The following PTPRD variants were observed in gnomAD, a reference collection of about 807,000 sequenced individuals.
PTPRD encodes protein tyrosine phosphatase receptor type D.
In PTPRD, 34 loss-of-function variants were observed where a neutral mutation model predicts 214.5. The observed-to-expected ratio is 0.16, with a 90% CI of 0.12 to 0.21. PTPRD has a LOEUF of 0.21. PTPRD is among the 10% of genes least tolerant of loss of function. PTPRD has a pLI of 1.00. For missense variants in PTPRD, 2,545 were observed against 2,398.7 expected, an observed-to-expected ratio of 1.06 and a Z score of -1.27; for synonymous variants, 1,128 against 845.7, an observed-to-expected ratio of 1.33 and a Z score of -5.79.
chr9:8,588,779 T>C (rs1564550503), intron 14 of PTPRD, among the ~76,000 whole-genome samples: 2 of 152,170 alleles, frequency 1.3e-5, no homozygotes, highest in East Asian at 3.9e-4. Context: ...TTTGCCTCAA[T>C]TTCTTCATCA....
At chr9:8,506,721 T>C (rs2097549582) in intron 22 of PTPRD, among the ~76,000 whole-genome samples, 1 of 152,224 alleles carries the variant, frequency 6.6e-6, no homozygotes, top group Admixed American at 6.5e-5. Flanking sequence ...GATTTTCATT[T>C]CTCTTTTCAG....
At chr9:9,930,784 A>G (rs895111474) in intron 5 of PTPRD, among the ~76,000 whole-genome samples, 8 of 152,058 alleles carry the variant, frequency 5.3e-5, no homozygotes, top group African/African-American at 1.9e-4. Context: ...AGTGAGCATA[A>G]TATGTATGTT....
chr9:8,610,491 A>G (rs1207116705), intron 14 of PTPRD, among the ~76,000 whole-genome samples: 1 of 152,154 alleles, frequency 6.6e-6, no homozygotes, highest in Non-Finnish European at 1.5e-5. Flanking sequence ...TCTCCTATAG[A>G]TACCTGAATC....
chr9:9,287,559 GC>G (rs1359260152), intron 9 of PTPRD, among the ~76,000 whole-genome samples: 1 of 151,824 alleles, frequency 6.6e-6, no homozygotes, highest in African/African-American at 2.4e-5. Flanking sequence ...ATAAATCATG[GC>G]CTTGAGAGTT....
At chr9:8,476,496 C>T (rs1197885233) in intron 30 of PTPRD, among the ~76,000 whole-genome samples, 2 of 152,246 alleles carry the variant, frequency 1.3e-5, no homozygotes, top group South Asian at 2.1e-4. Context: ...TTCTGTTCCA[C>T]CTGCCTAGAA....
intron 4 of PTPRD, among the ~76,000 whole-genome samples, chr9:9,958,299 G>A (rs1453909030): frequency 6.6e-6 from 1 of 152,176 alleles, no homozygotes; most frequent in African/African-American, 2.4e-5. Context: ...GGAGGCTGAG[G>A]TGGGTGGATC....
intron 2 of PTPRD, among the ~76,000 whole-genome samples, chr9:10,393,983 G>A (rs1213507033): frequency 1.4e-5 from 2 of 147,388 alleles, no homozygotes; most frequent in Non-Finnish European, 3.0e-5. Flanking sequence ...GTGACCAGAT[G>A]TAGTTCCAGG....
rs1331297949 is a variant in PTPRD, at chr9:10,060,799, TCTTC to T, written c.-544-27013_-544-27010del. ...GCTTTTCTTTCTTTCTTTCTTTCTT[TCTTC>T]CTTTCTTTCTTTCTTTCTTTCTTTC... On this transcript the variant is annotated intron_variant, in intron 3 of 45. Transcript: ENST00000381196. Among the ~76,000 whole-genome samples the T allele has an allele frequency of 9.3e-4, 115 of 124,048 alleles. 14 individuals carry two copies. The highest frequency in any genetic ancestry group is 4.2e-3 in the African/African-American group (80 of 19,166). 81.4% of individuals were successfully genotyped at this position (124,048 alleles called of 152,430 possible). A position where few individuals can be genotyped will look rare whatever the true frequency, so the allele number is the denominator to read the frequency against.
At chr9:10,346,826 A>G (rs1252764025) in intron 2 of PTPRD, among the ~76,000 whole-genome samples, 1 of 152,194 alleles carries the variant, frequency 6.6e-6, no homozygotes, top group African/African-American at 2.4e-5. Context: ...AATTTCACAG[A>G]ACATGTGATT....
chr9:9,393,654 T>C (rs1250338443), intron 9 of PTPRD, among the ~76,000 whole-genome samples: 1 of 152,132 alleles, frequency 6.6e-6, no homozygotes, highest in African/African-American at 2.4e-5. Flanking sequence ...ATAATTGATA[T>C]AGTTGGGTTA....
At chr9:9,693,967 T>C (rs1357282312) in intron 7 of PTPRD, among the ~76,000 whole-genome samples, 1 of 152,198 alleles carries the variant, frequency 6.6e-6, no homozygotes, top group Non-Finnish European at 1.5e-5. Flanking sequence ...TCAATCTCTG[T>C]TAAATTTATC....
intron 2 of PTPRD, among the ~76,000 whole-genome samples, chr9:10,446,998 T>C (rs2130602684): frequency 6.6e-6 from 1 of 152,288 alleles, no homozygotes; most frequent in Non-Finnish European, 1.5e-5. Flanking sequence ...AAATATACTC[T>C]GATAAACCTA....
Position 8,500,964 on chromosome 9 carries a change from C to T in PTPRD, c.1918G>A (p.Gly640Ser), listed in dbSNP as rs766690098. Residue 640 changes from glycine (G) to serine (S), a missense_variant, in exon 24 of 46, where the codon GGC becomes AGC. By Grantham distance (56) the Gly-to-Ser change is moderately conservative (BLOSUM62 0). Transcript: ENST00000381196. ...TTGATGGAGTATTCAGTGATAATGCCATTCTGTTTTTCCACTGGTGGAGGT... is the reference window on the plus strand; with the variant it reads ...TTGATGGAGTATTCAGTGATAATGCTATTCTGTTTTTCCACTGGTGGAGGT... The part of the protein sequence containing the change: ...WQPPPVEKQN[G>S]IITEYSIKYT... 4 of 1,614,028 alleles carry T rather than the reference C, an allele frequency of 2.5e-6. No homozygotes were observed. Among genetic ancestry groups the T allele is most frequent in the Non-Finnish European group, 3.4e-6 (4 of 1,179,990 alleles).
chr9:8,653,111 C>T (rs1276984305), intron 12 of PTPRD, among the ~76,000 whole-genome samples: 2 of 152,124 alleles, frequency 1.3e-5, no homozygotes, highest in African/African-American at 4.8e-5. Context: ...TAAAAGCTGC[C>T]TTTTGAGATG....
chr9:10,488,088 C>T (rs889440747), intron 2 of PTPRD, among the ~76,000 whole-genome samples: 1 of 151,478 alleles, frequency 6.6e-6, no homozygotes, highest in Non-Finnish European at 1.5e-5. Context: ...GCCAGGTCGG[C>T]TGGGCATGGT....
At chr9:9,861,936 T>C (rs1271923907) in intron 5 of PTPRD, among the ~76,000 whole-genome samples, 1 of 152,240 alleles carries the variant, frequency 6.6e-6, no homozygotes, top group Admixed American at 6.5e-5. Flanking sequence ...GAATTTGCCA[T>C]GTGAAACTCA....
At chr9:10,043,045 G>A (rs1261435670) in intron 3 of PTPRD, among the ~76,000 whole-genome samples, 1 of 151,416 alleles carries the variant, frequency 6.6e-6, no homozygotes, top group Admixed American at 6.6e-5. Context: ...TCATTCATTG[G>A]ATATTTCTGA....
At chr9:8,939,527 G>A (rs200159374) in intron 11 of PTPRD, among the ~76,000 whole-genome samples, 1 of 151,872 alleles carries the variant, frequency 6.6e-6, no homozygotes, top group East Asian at 1.9e-4. Flanking sequence ...CATTGCTGCA[G>A]ACAATATTTA....
intron 6 of PTPRD, among the ~76,000 whole-genome samples, chr9:9,740,246 T>C (rs909646754): frequency 6.6e-6 from 1 of 152,232 alleles, no homozygotes; most frequent in Non-Finnish European, 1.5e-5. Flanking sequence ...ATAAGCTACA[T>C]CATTTTTCCT....
Sources: allele counts gnomAD v4.1 joint callset (sites outside exome capture counted in the v4.1 genomes callset), GRCh38; gene constraint gnomAD v4.1.1; transcripts MANE v1.5; gene names NCBI Gene and HGNC (gene_info 2026-07-23, HGNC 2026-07-21).